The following HSH2D variants were observed in gnomAD, a reference collection of about 807,000 sequenced individuals.
HSH2D encodes hematopoietic SH2 domain containing.
Under a neutral mutation model 21.5 loss-of-function variants are expected in HSH2D, and 16 were observed. That is an observed-to-expected ratio of 0.74 (90% CI 0.50 to 1.13). The LOEUF is 1.13. HSH2D is among the 50% of genes most tolerant of loss of function. HSH2D has a pLI of 0.00. For synonymous variants in HSH2D, 172 were observed against 184.7 expected (o/e 0.93, Z 0.56); for missense variants, 418 against 441.4 (o/e 0.95, Z 0.47).
chr19:16,136,794 G>A (rs182131880), intron 1 of HSH2D, among the ~76,000 whole-genome samples: 2 of 152,226 alleles, frequency 1.3e-5, no homozygotes, highest in East Asian at 1.9e-4. Context: ...ATTCACACCC[G>A]ATGCAAATGG....
chr19:16,152,951 C>A, intron 3 of HSH2D, 92 bp from the exon 4 acceptor site: 2 of 1,446,774 alleles, frequency 1.4e-6, no homozygotes, highest in Non-Finnish European at 1.9e-6. Flanking sequence ...GGTAGTCTGG[C>A]TGTAGCAGTG....
chr19:16,148,438 C>T (rs985051277), intron 1 of HSH2D, among the ~76,000 whole-genome samples: 6 of 152,062 alleles, frequency 3.9e-5, no homozygotes, highest in Non-Finnish European at 7.4e-5. Context: ...CGTGAGCCAC[C>T]GCACCTGGCC....
At chr19:16,140,315 A>C (rs2090991422), upstream of HSH2D, among the ~76,000 whole-genome samples, 1 of 151,750 alleles carries the variant, frequency 6.6e-6, no homozygotes, top group Non-Finnish European at 1.5e-5. Context: ...AAAAATAAAA[A>C]ATAAAAATAA....
chr19:16,142,948 T>C (rs143444019), upstream of HSH2D, among the ~76,000 whole-genome samples: 1,004 of 151,358 alleles, frequency 6.6e-3, 11 homozygotes, highest in African/African-American at 0.023. Context: ...TTTGTATTTT[T>C]AGTAGAGACA....
In HSH2D at chr19:16,157,895, G is replaced by T. The variant is rs961027382; in HGVS notation, c.*101G>T. 19 of 848,386 alleles carry T rather than the reference G, an allele frequency of 2.2e-5. No individual in the cohort carries two copies. The highest frequency in any genetic ancestry group is 3.0e-5 in the Non-Finnish European group (17 of 561,944). The allele number at this position is 848,386 out of a possible 1,614,324, so 52.6% of individuals were successfully genotyped here. A position where few individuals can be genotyped will look rare whatever the true frequency, so the allele number is the denominator to read the frequency against. ...TGGCCCCACACCATGGCATCCGGGG[G>T]TCTTCGGGAACCCGGGAAATGGAAT... On this transcript the variant is annotated 3_prime_UTR_variant, in exon 6 of 6. Coordinates refer to ENST00000613986, the MANE Select transcript of HSH2D (RefSeq NM_001382417.1). The surrounding 1 kb of genome is among the most constrained non-coding windows in gnomAD (Gnocchi z 4.4).
intron 1 of HSH2D, among the ~76,000 whole-genome samples, chr19:16,148,188 G>A (rs141022523): frequency 1.1e-3 from 167 of 151,666 alleles, no homozygotes; most frequent in African/African-American, 3.9e-3. Context: ...TCACTCTGTC[G>A]CCCAGGCTGG....
chr19:16,135,341 A>G lies in HSH2D; in HGVS notation c.-324+1106A>G, dbSNP rs1394041351. Among the ~76,000 whole-genome samples the G allele has an allele frequency of 3.3e-5, 5 of 151,986 alleles. No individual in the cohort carries two copies. The South Asian group carries it at 1.0e-3, about 31-fold the overall frequency. On this transcript the variant is annotated intron_variant, in intron 1 of 7. Coordinates refer to the HSH2D transcript ENST00000616645. Reference sequence around the variant, plus strand: ...CTACTCAGGAGGCTGAGGAGGGAGGATCACTTGAGCCCAGGAGTTGGAGGC... The same window carrying G: ...CTACTCAGGAGGCTGAGGAGGGAGGGTCACTTGAGCCCAGGAGTTGGAGGC...
chr19:16,139,032 G>A (rs1004727536), upstream of HSH2D, among the ~76,000 whole-genome samples: 3 of 151,570 alleles, frequency 2.0e-5, no homozygotes, highest in Non-Finnish European at 2.9e-5. Flanking sequence ...TAATTTTTGT[G>A]TTTTTAGTAT....
chr19:16,149,361 C>G (rs990184645), intron 2 of HSH2D, among the ~76,000 whole-genome samples: 1 of 152,152 alleles, frequency 6.6e-6, no homozygotes, highest in Non-Finnish European at 1.5e-5. Flanking sequence ...TGCCACCAAG[C>G]CTGACTAATT....
Position 16,153,142 on chromosome 19 carries a change from G to A in HSH2D, c.315G>A (p.Leu105=), listed in dbSNP as rs1317458608. ...TGGCCCACACCTCGCTGGACGCCCT[G>A]GTCACCTTCCACCAGCAGAAGCCAA... The part of the protein sequence containing the change: ...EKVAHTSLDA[L]VTFHQQKPIE... Residue 105 remains leucine, a synonymous_variant, in exon 4 of 6, where the codon CTG becomes CTA. Coordinates refer to ENST00000613986, the MANE Select transcript of HSH2D (RefSeq NM_001382417.1). The A allele has an allele frequency of 1.9e-6, 3 of 1,588,184 alleles. No individual in the cohort carries two copies. Among genetic ancestry groups the A allele is most frequent in the Non-Finnish European group, 1.7e-6 (2 of 1,168,264 alleles).
chr19:16,143,960 G>C (rs928182217), intron 1 of HSH2D, among the ~76,000 whole-genome samples, 186 bp downstream of exon 1: 2 of 152,070 alleles, frequency 1.3e-5, no homozygotes, highest in Non-Finnish European at 2.9e-5. Context: ...TGGAGTTAGG[G>C]AAAAGGGGGT....
At chr19:16,139,106 C>T (rs1228016580), upstream of HSH2D, among the ~76,000 whole-genome samples, 1 of 152,246 alleles carries the variant, frequency 6.6e-6, no homozygotes, top group East Asian at 1.9e-4. Flanking sequence ...GATCTGCCCA[C>T]CTCGGCCTCC....
upstream of HSH2D, chr19:16,139,927 G>C (rs45566333): frequency 0.019 from 2,873 of 152,290 alleles, 37 homozygotes; most frequent in Non-Finnish European, 0.029. Flanking sequence ...AGGGGTGTGG[G>C]GGTGATTCTG....
At chr19:16,154,360 C>T (rs1224125812) in intron 4 of HSH2D, 39 bp from the exon 5 acceptor site, 20 of 1,415,954 alleles carry the variant, frequency 1.4e-5, no homozygotes, top group Non-Finnish European at 1.8e-5. Context: ...ACCTTTCCCC[C>T]TCCCTAGTGC....
chr19:16,141,470 C>T (rs2090999551), upstream of HSH2D, among the ~76,000 whole-genome samples: 1 of 152,192 alleles, frequency 6.6e-6, no homozygotes, highest in Non-Finnish European at 1.5e-5. Flanking sequence ...ATCTGTTAGG[C>T]ACACAGGGCC....
At chr19:16,152,878 G>A (rs540579156) in intron 3 of HSH2D, 165 bp from the exon 4 acceptor site, 5 of 853,086 alleles carry the variant, frequency 5.9e-6, no homozygotes, top group African/African-American at 3.3e-5. Flanking sequence ...GAGGCACAGC[G>A]AGGTTAGTAA....
chr19:16,157,053 G>T lies in HSH2D; in HGVS notation c.475-157G>T, dbSNP rs2091245758. Among the ~76,000 whole-genome samples, 1 of 152,032 alleles carries T rather than the reference G, an allele frequency of 6.6e-6. No individual in the cohort carries two copies. On this transcript the variant is annotated intron_variant, in intron 5 of 5. Coordinates refer to ENST00000613986, the MANE Select transcript of HSH2D (RefSeq NM_001382417.1). This position sits in a 1 kb window ranked among gnomAD's most constrained non-coding sequence, Gnocchi z 4.4. ...GGGAGACAGTGAAGCCATTTACTGA[G>T]ACGAGAAAGATGGGGCATGGGATCA... is the stretch of plus-strand genomic sequence containing the variant.
chr19:16,144,693 T>C (rs1193697627), intron 1 of HSH2D, among the ~76,000 whole-genome samples: 1 of 109,896 alleles, frequency 9.1e-6, no homozygotes, highest in Admixed American at 8.8e-5. Flanking sequence ...GCTCTTTTTT[T>C]TTTTTTTTTT....
At chr19:16,135,480 C>T (rs2090956321) in intron 1 of HSH2D, among the ~76,000 whole-genome samples, 2 of 152,054 alleles carry the variant, frequency 1.3e-5, no homozygotes, top group African/African-American at 4.8e-5. Context: ...AGGGATACAA[C>T]TTACGCCCCT....
Sources: allele counts gnomAD v4.1 joint callset (sites outside exome capture counted in the v4.1 genomes callset), GRCh38; gene constraint gnomAD v4.1.1; non-coding constraint Gnocchi (gnomAD v3.1); transcripts MANE v1.5; gene names NCBI Gene and HGNC (gene_info 2026-07-23, HGNC 2026-07-21).